Variants in CLNK observed in about 807,000 individuals in gnomAD.
The protein encoded by CLNK is cytokine dependent hematopoietic cell linker.
In CLNK, 74 loss-of-function variants were observed where a neutral mutation model predicts 68.6. The observed-to-expected ratio is 1.08, with a 90% CI of 0.89 to 1.31. The LOEUF (loss-of-function observed/expected upper bound fraction) is 1.31. CLNK is among the 50% of genes most tolerant of loss of function. The probability of loss-of-function intolerance (pLI) is 0.00; values close to 1 mark genes in which losing one functional copy is unlikely to be tolerated. For missense variants in CLNK, 553 were observed against 515.3 expected, an observed-to-expected ratio of 1.07 and a Z score of -0.71; for synonymous variants, 198 against 172.2, an observed-to-expected ratio of 1.15 and a Z score of -1.17.
chr4:10,715,217 C>A, the CLNK span, among the ~76,000 whole-genome samples: 115 of 152,308 alleles, frequency 7.6e-4, no homozygotes, highest in African/African-American at 2.6e-3. Flanking sequence ...CAACACAGAA[C>A]CATAAGCCCC....
chr4:10,642,816 T>C (rs759841318), intron 2 of CLNK, among the ~76,000 whole-genome samples: 6 of 152,226 alleles, frequency 3.9e-5, no homozygotes, highest in Non-Finnish European at 8.8e-5. Flanking sequence ...ATGTTTGCCC[T>C]AGAATTCCTT....
chr4:10,706,794 T>C, the CLNK span, among the ~76,000 whole-genome samples: 1 of 152,126 alleles, frequency 6.6e-6, no homozygotes, highest in African/African-American at 2.4e-5. Context: ...CCCTGTATGA[T>C]GTCTATAAAC....
the CLNK span, among the ~76,000 whole-genome samples, chr4:10,733,072 C>T: frequency 6.6e-6 from 1 of 152,114 alleles, no homozygotes; most frequent in Non-Finnish European, 1.5e-5. Context: ...ACCAGCAATT[C>T]CAAGCCCCCC....
At chr4:10,540,931 G>A (rs534664968) in intron 10 of CLNK, among the ~76,000 whole-genome samples, 6 of 152,122 alleles carry the variant, frequency 3.9e-5, no homozygotes, top group Admixed American at 1.3e-4. Flanking sequence ...TATAAAAAAA[G>A]TGGCCAGGCA....
the CLNK span, among the ~76,000 whole-genome samples, chr4:10,725,189 C>T: frequency 2.6e-5 from 4 of 151,894 alleles, no homozygotes; most frequent in East Asian, 5.8e-4. Flanking sequence ...CTGTAGCCCG[C>T]GGGGTGAGAT....
chr4:10,555,183 A>G (rs745705568), intron 8 of CLNK, among the ~76,000 whole-genome samples: 1 of 151,984 alleles, frequency 6.6e-6, no homozygotes, highest in Non-Finnish European at 1.5e-5. Context: ...CTGGATATAC[A>G]TGTTCACTAG....
chr4:10,678,072 A>G (rs1207748532), intron 1 of CLNK, among the ~76,000 whole-genome samples: 1 of 152,192 alleles, frequency 6.6e-6, no homozygotes, highest in Non-Finnish European at 1.5e-5. Flanking sequence ...CTTCGAGTAC[A>G]TTTAGAACCT....
chr4:10,649,886 A>T (rs1723660134), intron 2 of CLNK, among the ~76,000 whole-genome samples: 1 of 152,166 alleles, frequency 6.6e-6, no homozygotes, highest in African/African-American at 2.4e-5. Context: ...CAAAATAAAA[A>T]AAAAAATGCT....
At chr4:10,619,315 T>G (rs1203086699) in intron 2 of CLNK, among the ~76,000 whole-genome samples, 1 of 152,218 alleles carries the variant, frequency 6.6e-6, no homozygotes, top group African/African-American at 2.4e-5. Context: ...CTCACTCTGG[T>G]TTCAGGAGCT....
chr4:10,633,083 A>T (rs193271532), intron 2 of CLNK, among the ~76,000 whole-genome samples: 1 of 152,160 alleles, frequency 6.6e-6, no homozygotes. Context: ...GATTACAGGC[A>T]TGTGCTACCA....
chr4:10,728,385 A>AGTGT, the CLNK span, among the ~76,000 whole-genome samples: 21,183 of 146,642 alleles, frequency 0.14, 1,526 homozygotes, highest in South Asian at 0.23. Flanking sequence ...TATTCTAAAG[A>AGTGT]GTGTGTGTGT....
intron 8 of CLNK, among the ~76,000 whole-genome samples, chr4:10,556,200 C>A (rs1437817529): frequency 2.0e-5 from 3 of 152,206 alleles, no homozygotes; most frequent in African/African-American, 7.2e-5. Flanking sequence ...TTCTTGCTGT[C>A]TCTGAGGAAC....
chr4:10,660,180 A>G (rs9684000), intron 2 of CLNK, among the ~76,000 whole-genome samples: 25,485 of 152,178 alleles, frequency 0.17, 2,376 homozygotes, highest in Admixed American at 0.27. Context: ...CCTTATTTCC[A>G]TGTAACAAAA....
chr4:10,606,692 C>T, intron 2 of CLNK, among the ~76,000 whole-genome samples: 1 of 152,138 alleles, frequency 6.6e-6, no homozygotes, highest in Non-Finnish European at 1.5e-5. Context: ...TTTGCAGCTC[C>T]ATTATAATCT....
intron 15 of CLNK, among the ~76,000 whole-genome samples, chr4:10,519,983 G>T (rs1388434044): frequency 6.6e-6 from 1 of 151,944 alleles, no homozygotes; most frequent in Non-Finnish European, 1.5e-5. Context: ...AGGATCAGTG[G>T]AGAACCTCAT....
intron 7 of CLNK, among the ~76,000 whole-genome samples, chr4:10,563,953 G>A (rs1560218089): frequency 6.6e-6 from 1 of 152,036 alleles, no homozygotes; most frequent in Non-Finnish European, 1.5e-5. Flanking sequence ...TGAAGTGCAC[G>A]AAAATGTTAT....
At chr4:10,608,722 G>T (rs1452732222) in intron 2 of CLNK, among the ~76,000 whole-genome samples, 2 of 152,160 alleles carry the variant, frequency 1.3e-5, no homozygotes, top group Non-Finnish European at 2.9e-5. Context: ...GCCTCTGTGG[G>T]CTGGGGATTG....
the CLNK span, among the ~76,000 whole-genome samples, chr4:10,714,989 T>C: frequency 6.6e-6 from 1 of 152,170 alleles, no homozygotes; most frequent in Non-Finnish European, 1.5e-5. Context: ...CATCCTTCTT[T>C]GGTTTCAGTA....
intron 1 of CLNK, among the ~76,000 whole-genome samples, chr4:10,683,508 A>G (rs1725164839): frequency 6.6e-6 from 1 of 152,232 alleles, no homozygotes; most frequent in South Asian, 2.1e-4. Flanking sequence ...CAGGAAAATC[A>G]GTTTCCTTCT....
Sources: gnomAD v4.1 joint callset for allele counts (sites outside exome capture counted in the v4.1 genomes callset) on GRCh38, gnomAD v4.1.1 for gene constraint, MANE v1.5 for transcripts, NCBI Gene and HGNC (gene_info 2026-07-23, HGNC 2026-07-21) for gene names.